CDH11: variants seen among roughly 807,000 people sequenced by gnomAD.
CDH11 encodes the protein cadherin-11.
In CDH11, 11 loss-of-function variants were observed where a neutral mutation model predicts 67.8. The ratio of observed to expected loss-of-function variants is 0.16; its 90% confidence interval spans 0.10 to 0.27. The LOEUF is 0.27. Ranked by LOEUF, CDH11 falls within the 10% of genes least tolerant of loss-of-function variation. CDH11 has a pLI of 1.00. For synonymous variants in CDH11, 419 were observed against 400.0 expected, an observed-to-expected ratio of 1.05 and a Z score of -0.57; for missense variants, 847 against 1,031.2, an observed-to-expected ratio of 0.82 and a Z score of 2.45.
At chr16:65,049,848 G>A (rs915863473) in intron 2 of CDH11, among the ~76,000 whole-genome samples, 1 of 152,080 alleles carries the variant, frequency 6.6e-6, no homozygotes, top group African/African-American at 2.4e-5. Flanking sequence ...TCTCCACAGT[G>A]GCCTACATCC....
At chr16:64,978,118 G>A (rs2072228909) in intron 8 of CDH11, among the ~76,000 whole-genome samples, 1 of 152,184 alleles carries the variant, frequency 6.6e-6, no homozygotes, top group African/African-American at 2.4e-5. Context: ...GCTCAATGAA[G>A]GTTTGTCAAA....
intron 2 of CDH11, among the ~76,000 whole-genome samples, chr16:65,020,980 A>T (rs2073411737): frequency 6.9e-6 from 1 of 144,984 alleles, no homozygotes; most frequent in Non-Finnish European, 1.5e-5. Context: ...CAAGAATTCC[A>T]TTTTTTTTTT....
Position 64,957,199 on chromosome 16 carries a change from C to G in CDH11, c.1643-6181G>C, listed in dbSNP as rs549496919. ...GATGCTCTTCCTTACCAATCCTTTTCCTCTGTCCATCTCTTCTCTGAAGCT... is the reference window on the plus strand; with the variant it reads ...GATGCTCTTCCTTACCAATCCTTTTGCTCTGTCCATCTCTTCTCTGAAGCT... On this transcript the variant is annotated intron_variant, in intron 11 of 12. Transcript: ENST00000268603. Among the ~76,000 whole-genome samples the G allele has an allele frequency of 2.0e-5, 3 of 152,210 alleles. No homozygotes were observed. The East Asian group carries it at 5.8e-4, about 30-fold the overall frequency.
chr16:64,950,531 T>A (rs969862524), intron 12 of CDH11, among the ~76,000 whole-genome samples: 1 of 152,152 alleles, frequency 6.6e-6, no homozygotes, highest in Admixed American at 6.5e-5. Flanking sequence ...TTCCCTGTTC[T>A]CTGCTGGAAC....
chr16:64,968,528 G>A (rs940548515), intron 11 of CDH11: 1 of 985,198 alleles, frequency 1.0e-6, no homozygotes, highest in African/African-American at 1.7e-5. Context: ...ATCATCCAGT[G>A]TTCTATTTTC....
At chr16:65,016,474 G>A (rs1412630255) in intron 2 of CDH11, among the ~76,000 whole-genome samples, 1 of 152,044 alleles carries the variant, frequency 6.6e-6, no homozygotes, top group Non-Finnish European at 1.5e-5. Flanking sequence ...GTCTTTTGTG[G>A]GTCTCAGATA....
chr16:64,949,815 T>C (rs2071308031), intron 12 of CDH11, among the ~76,000 whole-genome samples: 2 of 152,186 alleles, frequency 1.3e-5, no homozygotes, highest in African/African-American at 4.8e-5. Context: ...ATGCATACTT[T>C]CCTTGACATT....
chr16:65,080,748 TCA>T (rs1369499372), intron 1 of CDH11, among the ~76,000 whole-genome samples: 1 of 152,246 alleles, frequency 6.6e-6, no homozygotes, highest in Non-Finnish European at 1.5e-5. Context: ...TTTTGAGTTT[TCA>T]CAGATTTGTT....
intron 11 of CDH11, among the ~76,000 whole-genome samples, chr16:64,954,067 G>A (rs1384921181): frequency 6.6e-6 from 1 of 152,220 alleles, no homozygotes; most frequent in Admixed American, 6.5e-5. Flanking sequence ...TATGGAGGAA[G>A]GTAATTGAAA....
At chr16:64,948,906 AC>A (rs751328222) in intron 12 of CDH11, 3 of 711,920 alleles carry the variant, frequency 4.2e-6, no homozygotes, top group South Asian at 4.2e-5. Context: ...TCTCCCATAC[AC>A]CCAGCAAGGC....
intron 2 of CDH11, among the ~76,000 whole-genome samples, chr16:65,024,874 A>G (rs1180974902): frequency 6.6e-6 from 1 of 152,238 alleles, no homozygotes; most frequent in African/African-American, 2.4e-5. Flanking sequence ...TGCCAGGAAG[A>G]GCTGAACCAA....
intron 7 of CDH11, chr16:64,987,144 C>A (rs1386781576): frequency 6.6e-6 from 1 of 152,164 alleles, no homozygotes; most frequent in African/African-American, 2.4e-5. Flanking sequence ...GCTCCATACA[C>A]TTTCATGATG....
At position 64,948,054 on chromosome 16, in the gene CDH11, G is replaced by C. The variant is rs755036111; in HGVS notation, c.1940C>G (p.Pro647Arg). Residue 647 changes from proline to arginine, a missense_variant, in exon 13 of 13, where the codon CCA becomes CGA. This residue lies in a region of CDH11 where 612 missense variants were observed against 678.7 expected (regional missense o/e 0.90). Transcript: ENST00000268603. ...ATCTTCTTCCTCAAAGACAATGAGT[G>C]GTTCTTTCTTTTGCCTTCTCAGGGT... ...FVTLRRQKKE[P>R]LIVFEEEDVR... is the part of the protein sequence containing the mutation. 3.6e-5 allele frequency: 58 copies of C among 1,613,852 alleles called. No homozygotes were observed. The highest frequency in any genetic ancestry group is 4.7e-5 in the Non-Finnish European group (55 of 1,179,984).
chr16:65,021,587 T>C lies in CDH11; in HGVS notation c.-172-16546A>G, dbSNP rs912996428. 2.0e-4 allele frequency among the ~76,000 whole-genome samples: 30 copies of C among 149,660 alleles called. 3 individuals are homozygous for C. Among genetic ancestry groups the C allele is most frequent in the Admixed American group, 1.5e-3 (22 of 15,066 alleles). On this transcript the variant is annotated intron_variant, in intron 2 of 12. Transcript: ENST00000268603. Reference sequence around the variant, plus strand: ...ACACACACATATATATATATATATATATTAGTTATCCATGTTTAATTAAGC... The same window carrying C: ...ACACACACATATATATATATATATACATTAGTTATCCATGTTTAATTAAGC...
intron 9 of CDH11, 108 bp from the exon 10 acceptor site, chr16:64,972,172 A>G: frequency 1.1e-6 from 1 of 916,088 alleles, no homozygotes; most frequent in Non-Finnish European, 1.7e-6. Context: ...TGGGCAGTGC[A>G]GGGAAAGATG....
chr16:65,019,592 G>T (rs1043601672), intron 2 of CDH11, among the ~76,000 whole-genome samples: 8 of 151,842 alleles, frequency 5.3e-5, no homozygotes. Flanking sequence ...AGTTTAATTC[G>T]TTTGACCATA....
At chr16:65,038,283 C>T (rs561895207) in intron 2 of CDH11, among the ~76,000 whole-genome samples, 11 of 152,118 alleles carry the variant, frequency 7.2e-5, no homozygotes, top group East Asian at 3.9e-4. Context: ...GGCTGTTTCG[C>T]GGGACGCTGC....
In CDH11 at chr16:65,087,803, G is replaced by A. The variant is rs145775599; in HGVS notation, c.-297-33875C>T. ...TGGGCCACATGTGTGGGCATCCTGT[G>A]ACACAGGCACATTTAATACAACATG... On this transcript the variant is annotated intron_variant, in intron 1 of 12. Coordinates refer to ENST00000268603, the MANE Select transcript of CDH11 (RefSeq NM_001797.4). Among the ~76,000 whole-genome samples, 315 of 152,284 alleles carry A rather than the reference G, an allele frequency of 2.1e-3. 2 individuals carry two copies. Among genetic ancestry groups the A allele is most frequent in the African/African-American group, 6.9e-3 (287 of 41,552 alleles).
intron 2 of CDH11, among the ~76,000 whole-genome samples, chr16:65,037,737 C>T (rs559632732): frequency 2.0e-5 from 3 of 152,142 alleles, no homozygotes; most frequent in East Asian, 1.9e-4. Flanking sequence ...CCCGAGAAGA[C>T]GAGAGTGCCA....
Sources: allele counts gnomAD v4.1 joint callset (sites outside exome capture counted in the v4.1 genomes callset), GRCh38; gene constraint gnomAD v4.1.1; regional missense constraint gnomAD v4.1.1; transcripts MANE v1.5; gene names NCBI Gene and HGNC (gene_info 2026-07-23, HGNC 2026-07-21).